The following KSR2 variants were observed in gnomAD, a reference collection of about 807,000 sequenced individuals.
KSR2 encodes the protein kinase suppressor of ras 2.
A neutral mutation model predicts 107.8 loss-of-function variants in KSR2; 25 were observed. That is an observed-to-expected ratio of 0.23 (90% CI 0.17 to 0.32). KSR2 has a LOEUF of 0.32. Among genes scored for constraint, KSR2 ranks in the 10% least tolerant of loss-of-function variants. KSR2 has a pLI of 1.00. For synonymous variants in KSR2, 480 were observed against 507.0 expected, an observed-to-expected ratio of 0.95 and a Z score of 0.71; for missense variants, 887 against 1,268.9, an observed-to-expected ratio of 0.70 and a Z score of 4.57.
intron 5 of KSR2, among the ~76,000 whole-genome samples, chr12:117,642,695 T>C (rs922506480): frequency 1.3e-5 from 2 of 152,238 alleles, no homozygotes; most frequent in Non-Finnish European, 2.9e-5. Flanking sequence ...ACCTTTTTCA[T>C]TAATCAATGA....
intron 6 of KSR2, among the ~76,000 whole-genome samples, chr12:117,579,929 G>A (rs1458141023): frequency 6.6e-6 from 1 of 152,088 alleles, no homozygotes; most frequent in Non-Finnish European, 1.5e-5. Flanking sequence ...ATCTCCCCTC[G>A]ATATTGCCAG....
chr12:117,920,540 G>A (rs1262682897), intron 1 of KSR2, among the ~76,000 whole-genome samples: 2 of 152,078 alleles, frequency 1.3e-5, no homozygotes, highest in African/African-American at 4.8e-5. Flanking sequence ...TATTTGTTGA[G>A]CATTTACTAT....
chr12:117,773,148 A>G (rs1040297170), intron 3 of KSR2, among the ~76,000 whole-genome samples: 4 of 152,138 alleles, frequency 2.6e-5, no homozygotes, highest in Non-Finnish European at 5.9e-5. Flanking sequence ...ATAAAGTCTG[A>G]GGGAAATAGG....
At chr12:117,851,719 C>A (rs182010711) in intron 3 of KSR2, among the ~76,000 whole-genome samples, 1 of 151,926 alleles carries the variant, frequency 6.6e-6, no homozygotes, top group Non-Finnish European at 1.5e-5. Context: ...AGGGAAACCC[C>A]GCCTCTACTA....
At chr12:117,767,308 C>T (rs1201728358) in intron 3 of KSR2, among the ~76,000 whole-genome samples, 2 of 151,200 alleles carry the variant, frequency 1.3e-5, no homozygotes, top group Admixed American at 1.3e-4. Context: ...GCGTGTAGTC[C>T]CAGCTACTCG....
At chr12:117,691,196 G>T (rs911670755) in intron 4 of KSR2, among the ~76,000 whole-genome samples, 1 of 152,308 alleles carries the variant, frequency 6.6e-6, no homozygotes, top group South Asian at 2.1e-4. Context: ...AAACAAAATT[G>T]CTGCATTTTT....
chr12:117,826,411 T>C lies in KSR2; in HGVS notation c.472+29017A>G, dbSNP rs530873004. ...GGGTTGACGTTAGCTGTTCCTGTTA[T>C]ACTGTCTTTGATAAGCAAGGCAGGG... On this transcript the variant is annotated intron_variant, in intron 3 of 19. Coordinates refer to ENST00000339824, the MANE Select transcript of KSR2 (RefSeq NM_173598.6). Among the ~76,000 whole-genome samples, 7 of 152,084 alleles carry C rather than the reference T, an allele frequency of 4.6e-5. No individual in the cohort carries two copies. In the South Asian group the frequency reaches 1.5e-3, roughly 32 times the overall value.
intron 5 of KSR2, among the ~76,000 whole-genome samples, chr12:117,659,033 G>C (rs1310359807): frequency 6.6e-6 from 1 of 152,142 alleles, no homozygotes; most frequent in Non-Finnish European, 1.5e-5. Context: ...TTCTATCGCA[G>C]ATAGAAATCA....
chr12:117,870,762 C>T (rs1230600193), intron 1 of KSR2, among the ~76,000 whole-genome samples: 1 of 152,072 alleles, frequency 6.6e-6, no homozygotes, highest in African/African-American at 2.4e-5. Flanking sequence ...AGGGGTACTC[C>T]AATTATGATA....
At chr12:117,894,592 G>A (rs551826572) in intron 1 of KSR2, among the ~76,000 whole-genome samples, 5 of 152,140 alleles carry the variant, frequency 3.3e-5, no homozygotes, top group Non-Finnish European at 7.4e-5. Flanking sequence ...CCACATGTTG[G>A]AGAAGGGACC....
intron 1 of KSR2, among the ~76,000 whole-genome samples, chr12:117,915,048 G>A (rs562021002): frequency 1.7e-4 from 26 of 152,336 alleles, no homozygotes; most frequent in Non-Finnish European, 3.1e-4. Flanking sequence ...GCCTAAAGCC[G>A]TACCAGCAAC....
intron 1 of KSR2, among the ~76,000 whole-genome samples, chr12:117,917,691 T>C (rs1895223907): frequency 6.6e-6 from 1 of 152,120 alleles, no homozygotes; most frequent in Non-Finnish European, 1.5e-5. Flanking sequence ...ACTGTCAACA[T>C]AATGCACGCA....
intron 14 of KSR2, among the ~76,000 whole-genome samples, chr12:117,511,633 T>C (rs910373805): frequency 6.6e-6 from 1 of 152,228 alleles, no homozygotes; most frequent in Non-Finnish European, 1.5e-5. Context: ...ACAAAGTCCT[T>C]AGCACAGTGC....
intron 1 of KSR2, among the ~76,000 whole-genome samples, chr12:117,902,640 T>G (rs1303507948): frequency 6.6e-6 from 1 of 151,842 alleles, no homozygotes; most frequent in African/African-American, 2.4e-5. Context: ...AAACACCTAA[T>G]GTAGGTGATG....
At chr12:117,848,731 G>T (rs921270917) in intron 3 of KSR2, among the ~76,000 whole-genome samples, 1 of 115,256 alleles carries the variant, frequency 8.7e-6, no homozygotes, top group South Asian at 2.6e-4. Flanking sequence ...GGAAGAAAAA[G>T]GCTGGAGGAG....
intron 4 of KSR2, among the ~76,000 whole-genome samples, chr12:117,754,753 A>G (rs1888729309): frequency 2.0e-5 from 3 of 152,162 alleles, no homozygotes; most frequent in Admixed American, 2.0e-4. Flanking sequence ...GTGAGCTGAG[A>G]TTGCGCCATT....
chr12:117,815,145 A>G (rs1326894171), intron 3 of KSR2, among the ~76,000 whole-genome samples: 1 of 152,230 alleles, frequency 6.6e-6, no homozygotes, highest in Non-Finnish European at 1.5e-5. Context: ...AATGCAAAAC[A>G]CACAAGCCCT....
Position 117,525,214 on chromosome 12 carries a change from TTC to T in KSR2, c.1855_1856del (p.Glu619ArgfsTer4). 6.3e-7 allele frequency: 1 copy of T among 1,594,708 alleles called. No individual in the cohort carries two copies. Among genetic ancestry groups the T allele is most frequent in the Non-Finnish European group, 8.6e-7 (1 of 1,166,862 alleles). On this transcript the variant is annotated frameshift_variant, in exon 14 of 20. Transcript: ENST00000339824. LOFTEE classifies it high-confidence loss of function. ...QIEVEPTSEN[E>X]EVHDEAEESE... ...ACTCTTCGGCCTCATCATGGACCTCTTCATTCTGTGGCCGGAGTGGGAGAGAG... is the reference window on the plus strand; with the variant it reads ...ACTCTTCGGCCTCATCATGGACCTCTATTCTGTGGCCGGAGTGGGAGAGAG...
chr12:117,903,490 G>A (rs543885940), intron 1 of KSR2, among the ~76,000 whole-genome samples: 14 of 152,280 alleles, frequency 9.2e-5, no homozygotes. Context: ...TTATTTAAGT[G>A]TTCATTGTTT....
Sources: gnomAD v4.1 joint callset for allele counts (sites outside exome capture counted in the v4.1 genomes callset) on GRCh38, gnomAD v4.1.1 for gene constraint, MANE v1.5 for transcripts, NCBI Gene and HGNC (gene_info 2026-07-23, HGNC 2026-07-21) for gene names.